The following IL3RA variants were observed in gnomAD, a reference collection of about 807,000 sequenced individuals.
The protein encoded by IL3RA is interleukin 3 receptor subunit alpha.
A neutral mutation model predicts 52.3 loss-of-function variants in IL3RA; 73 were observed. The ratio of observed to expected loss-of-function variants is 1.40; its 90% CI spans 1.16 to 1.70. The LOEUF is 1.70. Ranked by LOEUF, IL3RA falls within the 40% of genes most tolerant of loss-of-function variation. The pLI is 0.00. For missense variants in IL3RA, 664 were observed against 504.4 expected (o/e 1.32, Z -3.03); for synonymous variants, 260 against 194.0 (o/e 1.34, Z -2.83).
chrX:1,338,362 C>T (rs2085379630), intron 1 of IL3RA, among the ~76,000 whole-genome samples: 1 of 151,700 alleles, frequency 6.6e-6, no homozygotes, highest in Non-Finnish European at 1.5e-5. Flanking sequence ...CCTCATACCC[C>T]ATCTATAGAT....
chrX:1,356,492 G>A (rs192752294), intron 7 of IL3RA, among the ~76,000 whole-genome samples, 156 bp downstream of exon 7: 2 of 151,232 alleles, frequency 1.3e-5, no homozygotes, highest in African/African-American at 4.8e-5. Context: ...ACAAAAGGCC[G>A]GGCGCTGTGG....
intron 2 of IL3RA, among the ~76,000 whole-genome samples, chrX:1,342,349 A>G (rs1249287135): frequency 3.3e-5 from 5 of 151,830 alleles, no homozygotes; most frequent in Non-Finnish European, 7.4e-5. Context: ...TATTTTTGAT[A>G]GAGACGGGAT....
chrX:1,341,904 C>T (rs1429157415), intron 2 of IL3RA, 75 bp downstream of exon 2: 36 of 1,494,876 alleles, frequency 2.4e-5, no homozygotes, highest in Non-Finnish European at 3.0e-5. Flanking sequence ...GTCAGCGTGC[C>T]GTCCTTCAGG....
chrX:1,342,605 G>T (rs1367748811), intron 2 of IL3RA, among the ~76,000 whole-genome samples: 10 of 140,678 alleles, frequency 7.1e-5, no homozygotes, highest in African/African-American at 2.7e-4. Flanking sequence ...TGGTCGCCCA[G>T]GCTGGAGTGT....
intron 1 of IL3RA, among the ~76,000 whole-genome samples, chrX:1,337,864 C>T (rs7055080): frequency 0.16 from 22,137 of 137,968 alleles, 926 homozygotes; most frequent in Middle Eastern, 0.19. Flanking sequence ...GAGGTGGAGA[C>T]AGCCCTCATA....
At chrX:1,378,908 T>C in intron 10 of IL3RA, 144 bp downstream of exon 10, 2 of 788,246 alleles carry the variant, frequency 2.5e-6, no homozygotes, top group Non-Finnish European at 4.1e-6. Context: ...AGTGGCACGA[T>C]CTGGGCTCAC....
At chrX:1,360,849 C>G (rs1181270849) in intron 8 of IL3RA, among the ~76,000 whole-genome samples, 2 of 151,346 alleles carry the variant, frequency 1.3e-5, no homozygotes, top group African/African-American at 4.9e-5. Context: ...CTTTCTAGCT[C>G]TCTCCCTGTC....
chrX:1,358,915 T>C (rs772894075), intron 8 of IL3RA, 28 bp downstream of exon 8: 25 of 1,587,108 alleles, frequency 1.6e-5, no homozygotes, highest in Non-Finnish European at 2.1e-5. Context: ...CCAGCCGCTG[T>C]ACTTGACATT....
At position 1,357,038 on chromosome X, in the gene IL3RA, T is replaced by C. The variant is rs1479622033; in HGVS notation, c.732+702T>C. ...TTAAATCTTGACTCACTGCAACCTC[T>C]GCCTCCCGGGTTCAAGTGATTCTCC... On this transcript the variant is annotated intron_variant, in intron 7 of 11. Transcript: ENST00000331035. Among the ~76,000 whole-genome samples the C allele has an allele frequency of 2.0e-5, 3 of 151,894 alleles. No homozygotes were observed. In the East Asian group the frequency reaches 5.9e-4, roughly 30 times the overall value.
At chrX:1,356,742 A>T (rs2086754281) in intron 7 of IL3RA, among the ~76,000 whole-genome samples, 1 of 151,574 alleles carries the variant, frequency 6.6e-6, no homozygotes, top group Non-Finnish European at 1.5e-5. Context: ...ATTGCACTCC[A>T]GCCTGGGCGA....
chrX:1,341,823 A>G lies in IL3RA; in HGVS notation c.58A>G (p.Lys20Glu). 3 of 1,613,802 alleles carry G rather than the reference A, an allele frequency of 1.9e-6. No individual in the cohort carries two copies. The highest frequency in any genetic ancestry group is 2.5e-6 in the Non-Finnish European group (3 of 1,179,826). Residue 20 changes from lysine (K) to glutamate (E), a missense_variant, in exon 2 of 12, where the codon AAG becomes GAG. Lys to Glu is a moderately conservative substitution (Grantham distance 56, BLOSUM62 1). Coordinates refer to ENST00000331035, the MANE Select transcript of IL3RA (RefSeq NM_002183.4). ...LIALPCLLQT[K>E]EDPNPPITNL... Reference sequence around the variant, plus strand: ...CGCCCTGCCCTGTCTCCTGCAAACGAAGGAAGGTAAGAACTGGAGAAAAAA... The same window carrying G: ...CGCCCTGCCCTGTCTCCTGCAAACGGAGGAAGGTAAGAACTGGAGAAAAAA...
chrX:1,341,009 C>T (rs186999215), intron 1 of IL3RA, among the ~76,000 whole-genome samples: 47 of 152,104 alleles, frequency 3.1e-4, no homozygotes, highest in Admixed American at 1.1e-3. Flanking sequence ...CCCAGCTACT[C>T]GGGAGGCTGA....
intron 7 of IL3RA, 131 bp downstream of exon 7, chrX:1,356,467 A>C (rs377464150): frequency 2.2e-5 from 14 of 633,614 alleles, no homozygotes; most frequent in African/African-American, 3.8e-5. Context: ...GGATCATTAA[A>C]AAACAAAAAC....
chrX:1,348,606 C>G, intron 4 of IL3RA, 61 bp downstream of exon 4: 1 of 1,168,282 alleles, frequency 8.6e-7, no homozygotes, highest in Non-Finnish European at 1.3e-6. Flanking sequence ...CTCTCTCCCT[C>G]CCTCTCGCCT....
Position 1,382,441 on chromosome X carries a change from A to G in IL3RA, c.1113A>G (p.Glu371=), listed in dbSNP as rs756154392. ...GCCTGGAGGAGTGTCTGGTGACTGA[A>G]GTACAGGTCGTGCAGAAAACTTGAG... is the stretch of plus-strand genomic sequence containing the variant. ...KAGLEECLVT[E]VQVVQKT is the part of the protein sequence containing the mutation. The change falls in exon 12 of 12, where the codon GAA becomes GAG. Residue 371 remains glutamate, a synonymous_variant. Coordinates refer to ENST00000331035, the MANE Select transcript of IL3RA (RefSeq NM_002183.4). 3 of 1,613,734 alleles carry G rather than the reference A, an allele frequency of 1.9e-6. No homozygotes were observed. The Admixed American group carries it at 5.0e-5, about 27-fold the overall frequency.
At chrX:1,367,883 C>T (rs1298511203) in intron 9 of IL3RA, among the ~76,000 whole-genome samples, 1 of 151,338 alleles carries the variant, frequency 6.6e-6, no homozygotes, top group Non-Finnish European at 1.5e-5. Flanking sequence ...AGAGGAGATT[C>T]ACTCCCCCAG....
intron 4 of IL3RA, among the ~76,000 whole-genome samples, chrX:1,350,831 G>A (rs1362747994): frequency 2.6e-5 from 4 of 151,732 alleles, no homozygotes; most frequent in African/African-American, 4.8e-5. Flanking sequence ...CCTGGGAGGC[G>A]GAGGTTGTGG....
At chrX:1,368,723 G>C (rs754028521) in intron 9 of IL3RA, among the ~76,000 whole-genome samples, 1 of 150,628 alleles carries the variant, frequency 6.6e-6, no homozygotes, top group Non-Finnish European at 1.5e-5. Flanking sequence ...GGGAGAAGAC[G>C]GCGTCTCCAA....
intron 4 of IL3RA, 107 bp downstream of exon 4, chrX:1,348,652 T>TTTTC (rs1556618991): frequency 1.1e-5 from 4 of 360,580 alleles, no homozygotes; most frequent in African/African-American, 7.2e-5. Context: ...TTCTCTTTCT[T>TTTTC]TCTTTCTTTC....
Sources: gnomAD v4.1 joint callset for allele counts (sites outside exome capture counted in the v4.1 genomes callset) on GRCh38, gnomAD v4.1.1 for gene constraint, MANE v1.5 for transcripts, NCBI Gene and HGNC (gene_info 2026-07-23, HGNC 2026-07-21) for gene names.